The following TRMT11 variants were observed in gnomAD, a reference collection of about 807,000 sequenced individuals.
TRMT11 encodes the protein tRNA (guanine(10)-N(2))-methyltransferase TRMT11.
In TRMT11, 53 loss-of-function variants were observed where a neutral mutation model predicts 62.8. The observed-to-expected ratio is 0.84, with a 90% CI of 0.68 to 1.06. TRMT11 has a LOEUF of 1.06. Ranked by LOEUF, TRMT11 falls within the 50% of genes least tolerant of loss-of-function variation. The probability of loss-of-function intolerance (pLI) is 0.00; values close to 1 mark genes in which losing one functional copy is unlikely to be tolerated. For missense variants in TRMT11, 556 were observed against 553.4 expected, an observed-to-expected ratio of 1.00 and a Z score of -0.05; for synonymous variants, 188 against 190.3, an observed-to-expected ratio of 0.99 and a Z score of 0.10.
chr6:126,214,819 T>G, the TRMT11 span, among the ~76,000 whole-genome samples: 1 of 151,824 alleles, frequency 6.6e-6, no homozygotes, highest in East Asian at 1.9e-4. Flanking sequence ...AAGGAGCACA[T>G]TTAGGTTGTT....
upstream of TRMT11, among the ~76,000 whole-genome samples, chr6:126,174,872 G>A (rs939933079): frequency 6.6e-5 from 10 of 152,200 alleles, no homozygotes; most frequent in Non-Finnish European, 5.9e-5. Flanking sequence ...GCAGAAGAGT[G>A]AGTCGCAAAA....
At chr6:126,190,072 C>G (rs901287401) in intron 1 of TRMT11, among the ~76,000 whole-genome samples, 3 of 152,020 alleles carry the variant, frequency 2.0e-5, no homozygotes, top group Admixed American at 2.0e-4. Flanking sequence ...ATAATTTCTT[C>G]TTTTTTAGCT....
the TRMT11 span, among the ~76,000 whole-genome samples, chr6:126,219,167 T>C: frequency 6.6e-6 from 1 of 152,306 alleles, no homozygotes; most frequent in South Asian, 2.1e-4. Context: ...CTAGGTCCTG[T>C]GATGGCTCCC....
the TRMT11 span, among the ~76,000 whole-genome samples, chr6:126,255,303 G>A: frequency 6.6e-6 from 1 of 152,148 alleles, no homozygotes; most frequent in East Asian, 1.9e-4. Context: ...TTAGCACTTC[G>A]AATGGTAACT....
intron 21 of TRMT11, among the ~76,000 whole-genome samples, chr6:126,163,154 C>T (rs1376993971): frequency 6.6e-6 from 1 of 152,164 alleles, no homozygotes; most frequent in Non-Finnish European, 1.5e-5. Flanking sequence ...AAAAGGAATG[C>T]TTCCAGTTTT....
At chr6:126,272,333 T>A in the TRMT11 span, among the ~76,000 whole-genome samples, 1 of 152,158 alleles carries the variant, frequency 6.6e-6, no homozygotes, top group Admixed American at 6.5e-5. Context: ...AAAATAAAAA[T>A]TTTGATGTTT....
the TRMT11 span, among the ~76,000 whole-genome samples, chr6:126,243,758 A>T: frequency 6.6e-6 from 1 of 152,176 alleles, no homozygotes; most frequent in African/African-American, 2.4e-5. Flanking sequence ...CAGGAAGGGG[A>T]ACATCACTCC....
chr6:126,229,635 C>CT, the TRMT11 span, among the ~76,000 whole-genome samples: 1 of 152,120 alleles, frequency 6.6e-6, no homozygotes, highest in Non-Finnish European at 1.5e-5. Context: ...TCCAAATATT[C>CT]TAAGTTTCTA....
chr6:126,251,196 C>T, the TRMT11 span, among the ~76,000 whole-genome samples: 1 of 151,560 alleles, frequency 6.6e-6, no homozygotes, highest in African/African-American at 2.4e-5. Context: ...GTGCCTGGGT[C>T]ATTTTTGTAT....
intron 21 of TRMT11, among the ~76,000 whole-genome samples, chr6:126,116,223 C>A (rs1035404462): frequency 3.3e-5 from 5 of 151,822 alleles, no homozygotes; most frequent in African/African-American, 9.7e-5. Flanking sequence ...CATTTTGGGG[C>A]AATGGGAGTG....
At chr6:126,201,990 T>C (rs1778738666) in intron 3 of TRMT11, 1 of 152,202 alleles carries the variant, frequency 6.6e-6, no homozygotes, top group African/African-American at 2.4e-5. Flanking sequence ...ATACCATATA[T>C]GTCTAGTCTT....
chr6:126,020,207 AC>A (rs1795618828), intron 11 of TRMT11, among the ~76,000 whole-genome samples: 1 of 152,234 alleles, frequency 6.6e-6, no homozygotes, highest in Non-Finnish European at 1.5e-5. Flanking sequence ...TTTGGAGCAG[AC>A]CTTTAAGATT....
chr6:126,191,826 A>G (rs1222017881), intron 1 of TRMT11, among the ~76,000 whole-genome samples: 4 of 152,246 alleles, frequency 2.6e-5, no homozygotes, highest in South Asian at 2.1e-4. Context: ...TGCCAGCACC[A>G]TGCTGTTTTG....
At chr6:126,240,259 C>T in the TRMT11 span, among the ~76,000 whole-genome samples, 5 of 152,204 alleles carry the variant, frequency 3.3e-5, no homozygotes, top group Admixed American at 6.5e-5. Flanking sequence ...TGAGGAGCTG[C>T]GTTCCTTTGG....
intron 17 of TRMT11, among the ~76,000 whole-genome samples, chr6:126,097,038 A>T (rs1400098762): frequency 6.6e-6 from 1 of 152,140 alleles, no homozygotes; most frequent in African/African-American, 2.4e-5. Context: ...GTCTCATCAG[A>T]CTATTCTAGA....
At chr6:126,244,077 T>C in the TRMT11 span, among the ~76,000 whole-genome samples, 1 of 152,174 alleles carries the variant, frequency 6.6e-6, no homozygotes, top group Admixed American at 6.5e-5. Flanking sequence ...TTTTCTAAAA[T>C]GTTCTTAGCA....
intron 1 of TRMT11, among the ~76,000 whole-genome samples, chr6:126,198,561 A>G (rs919206168): frequency 6.6e-6 from 1 of 152,178 alleles, no homozygotes; most frequent in Non-Finnish European, 1.5e-5. Context: ...CTGTCTTTCC[A>G]TGAGCTAAGG....
chr6:126,210,906 AC>A, the TRMT11 span, among the ~76,000 whole-genome samples: 1 of 151,168 alleles, frequency 6.6e-6, no homozygotes, highest in Non-Finnish European at 1.5e-5. Flanking sequence ...AGTCTGGTTT[AC>A]TCATCTACTC....
intron 11 of TRMT11, among the ~76,000 whole-genome samples, chr6:126,019,812 G>A (rs991646588): frequency 2.0e-5 from 3 of 152,166 alleles, no homozygotes; most frequent in Non-Finnish European, 4.4e-5. Context: ...TGTCATAAAT[G>A]CATTGCATGA....
Sources: gnomAD v4.1 joint callset for allele counts (sites outside exome capture counted in the v4.1 genomes callset) on GRCh38, gnomAD v4.1.1 for gene constraint, MANE v1.5 for transcripts, NCBI Gene and HGNC (gene_info 2026-07-23, HGNC 2026-07-21) for gene names.